Variants in PCDH7 observed in about 807,000 individuals in gnomAD.
PCDH7 encodes protocadherin 7, also known as protocadherin-7.
A neutral mutation model predicts 58.9 loss-of-function variants in PCDH7; 17 were observed. That is an observed-to-expected ratio of 0.29 (90% CI 0.20 to 0.43). The LOEUF (loss-of-function observed/expected upper bound fraction) is 0.43. Among genes scored for constraint, PCDH7 ranks in the 20% least tolerant of loss-of-function variants. The pLI is 1.00. For synonymous variants in PCDH7, 664 were observed against 616.4 expected (o/e 1.08, Z -1.14); for missense variants, 1,274 against 1,441.0 (o/e 0.88, Z 1.88).
Position 30,723,965 on chromosome 4 carries a change from C to A in PCDH7, c.2543C>A (p.Ala848Glu). 6.2e-7 allele frequency: 1 copy of A among 1,614,164 alleles called. No homozygotes were observed. ...AATGAAAGTGTTTCTAATGCAACTG[C>A]GATTGACTCCCAGATAGCTAGAAGT... Residue 848 changes from alanine (A) to glutamate (E), a missense_variant, in exon 1 of 2, where the codon GCG becomes GAG. Physicochemically the swap from Ala to Glu is moderately radical, Grantham distance 107. Transcript: ENST00000361762. This position sits in a 1 kb window ranked among gnomAD's most constrained non-coding sequence, Gnocchi z 4.6.
intron 2 of PCDH7, among the ~76,000 whole-genome samples, chr4:30,931,980 C>T (rs1744658674): frequency 1.3e-5 from 2 of 151,938 alleles, no homozygotes; most frequent in South Asian, 4.2e-4. Flanking sequence ...TTATACTATG[C>T]AATTATTTGA....
At chr4:30,767,477 C>T (rs932873384) in intron 1 of PCDH7, among the ~76,000 whole-genome samples, 6 of 152,250 alleles carry the variant, frequency 3.9e-5, no homozygotes, top group East Asian at 1.9e-4. Context: ...AACTTCACAG[C>T]CCGGGTATGT....
intron 1 of PCDH7, among the ~76,000 whole-genome samples, chr4:30,749,654 A>T (rs1205362015): frequency 6.6e-6 from 1 of 152,164 alleles, no homozygotes; most frequent in Non-Finnish European, 1.5e-5. Flanking sequence ...TAGATGATTG[A>T]CTGTATCACT....
chr4:31,128,375 G>T (rs779729138), intron 3 of PCDH7, among the ~76,000 whole-genome samples: 4 of 152,024 alleles, frequency 2.6e-5, no homozygotes, highest in African/African-American at 4.8e-5. Flanking sequence ...TTGTCAAACT[G>T]TATTAGGTTG....
At chr4:30,816,581 TAG>T (rs772260747) in intron 1 of PCDH7, among the ~76,000 whole-genome samples, 6 of 151,962 alleles carry the variant, frequency 3.9e-5, no homozygotes, top group Non-Finnish European at 8.8e-5. Flanking sequence ...ATTTGGGGAG[TAG>T]AGTTTCATAT....
At chr4:30,780,740 G>A (rs374527425) in intron 1 of PCDH7, among the ~76,000 whole-genome samples, 2 of 152,208 alleles carry the variant, frequency 1.3e-5, no homozygotes. Context: ...GTCTAATTGA[G>A]GATGTTCAGA....
chr4:30,769,474 C>T lies in PCDH7; in HGVS notation c.70+44878C>T, dbSNP rs145705278. Among the ~76,000 whole-genome samples the T allele has an allele frequency of 6.6e-5, 10 of 152,296 alleles. No individual in the cohort carries two copies. In the East Asian group the frequency reaches 1.9e-3, roughly 29 times the overall value. ...GCCTCAATTTGGCTTTAAGACTTGC[C>T]TTCCCAGGTAGAGACTAAAGATGAA... On this transcript the variant is annotated intron_variant, in intron 1 of 3. Coordinates refer to the PCDH7 transcript ENST00000509759.
chr4:30,823,090 G>A (rs1728578413), intron 1 of PCDH7, among the ~76,000 whole-genome samples: 1 of 152,254 alleles, frequency 6.6e-6, no homozygotes, highest in East Asian at 1.9e-4. Context: ...TACTGTATGT[G>A]ATATTTATAA....
At chr4:30,936,854 A>C (rs1238996478) in intron 2 of PCDH7, among the ~76,000 whole-genome samples, 1 of 152,112 alleles carries the variant, frequency 6.6e-6, no homozygotes. Context: ...CAATTAAAGA[A>C]ATATACCCAA....
At chr4:30,985,552 T>A (rs1433162439) in intron 3 of PCDH7, among the ~76,000 whole-genome samples, 1 of 152,184 alleles carries the variant, frequency 6.6e-6, no homozygotes, top group African/African-American at 2.4e-5. Flanking sequence ...GACAATTTAT[T>A]TAATCTTTTT....
intron 3 of PCDH7, among the ~76,000 whole-genome samples, chr4:31,013,220 T>C (rs1324705891): frequency 6.7e-6 from 1 of 149,942 alleles, no homozygotes; most frequent in Non-Finnish European, 1.5e-5. Context: ...AACATTAAAT[T>C]AAAGGAAATA....
Position 30,721,644 on chromosome 4 carries a change from C to T in PCDH7, c.222C>T (p.Tyr74=). ...TCAGCCTGGAGTCCGGTTCCGAGTA[C>T]CTGAAGATCGACAACCTCACTGGCG... Residue 74 remains tyrosine (Y), a synonymous_variant, in exon 1 of 2, where the codon TAC becomes TAT. Transcript: ENST00000361762. This position sits in a 1 kb window ranked among gnomAD's most constrained non-coding sequence, Gnocchi z 6.7. 10 of 1,613,906 alleles carry T rather than the reference C, an allele frequency of 6.2e-6. No homozygotes were observed. The highest frequency in any genetic ancestry group is 8.5e-6 in the Non-Finnish European group (10 of 1,179,986).
intron 1 of PCDH7, among the ~76,000 whole-genome samples, chr4:30,901,738 A>G (rs1027619083): frequency 6.6e-6 from 1 of 152,164 alleles, no homozygotes; most frequent in Non-Finnish European, 1.5e-5. Context: ...GAACTCATGA[A>G]AAACTCTTAT....
chr4:31,025,643 C>T (rs1347685974), intron 3 of PCDH7, among the ~76,000 whole-genome samples: 1 of 152,124 alleles, frequency 6.6e-6, no homozygotes, highest in African/African-American at 2.4e-5. Context: ...TAATCTAAAA[C>T]CTATCTTTTC....
chr4:30,866,649 T>C (rs1393397466), intron 1 of PCDH7, among the ~76,000 whole-genome samples: 4 of 151,754 alleles, frequency 2.6e-5, no homozygotes, highest in Non-Finnish European at 5.9e-5. Context: ...AGTTGCTTTC[T>C]GGCCATGGCC....
rs973054672 is a variant in PCDH7, at chr4:30,899,781, G to A, written c.71-20372G>A. Among the ~76,000 whole-genome samples, 6 of 151,938 alleles carry A rather than the reference G, an allele frequency of 3.9e-5. No homozygotes were observed. In the East Asian group the frequency reaches 7.7e-4, roughly 20 times the overall value. The stretch of plus-strand genomic sequence containing the variant: ...TGTGTGTTTGTGGGGTGGGGGTGAG[G>A]TGGGCTGGGAATGGCTGCAATCCTA... On this transcript the variant is annotated intron_variant, in intron 1 of 3. Coordinates refer to the PCDH7 transcript ENST00000509759.
chr4:31,029,980 C>A (rs1315908013), intron 3 of PCDH7, among the ~76,000 whole-genome samples: 1 of 152,132 alleles, frequency 6.6e-6, no homozygotes. Flanking sequence ...TCTAACAAGT[C>A]TTGAAGAAAA....
chr4:30,809,099 C>T (rs922592417), intron 1 of PCDH7, among the ~76,000 whole-genome samples: 8 of 152,158 alleles, frequency 5.3e-5, no homozygotes, highest in Admixed American at 2.0e-4. Flanking sequence ...CATTCCTTTT[C>T]GCATTCTCTA....
chr4:30,795,620 G>T (rs1724677653), intron 1 of PCDH7, among the ~76,000 whole-genome samples: 1 of 152,174 alleles, frequency 6.6e-6, no homozygotes, highest in Admixed American at 6.5e-5. Flanking sequence ...TCACTAACTA[G>T]GCTGGCATGA....
Sources: gnomAD v4.1 joint callset for allele counts (sites outside exome capture counted in the v4.1 genomes callset) on GRCh38, gnomAD v4.1.1 for gene constraint, Gnocchi (gnomAD v3.1) non-coding constraint, MANE v1.5 for transcripts, NCBI Gene and HGNC (gene_info 2026-07-23, HGNC 2026-07-21) for gene names.